Variants in IRAG1 observed in about 807,000 individuals in gnomAD.
IRAG1 encodes IP3R-associated cGMP kinase substrate.
IRAG1 carries 62 observed loss-of-function variants against 106.2 expected under a neutral mutation model. The ratio of observed to expected loss-of-function variants is 0.58; its 90% confidence interval spans 0.48 to 0.72. IRAG1 has a LOEUF of 0.72. Ranked by LOEUF, IRAG1 falls within the 30% of genes least tolerant of loss-of-function variation. IRAG1 has a pLI of 0.00. For missense variants in IRAG1, 1,064 were observed against 1,140.7 expected, an observed-to-expected ratio of 0.93 and a Z score of 0.97; for synonymous variants, 462 against 443.9, an observed-to-expected ratio of 1.04 and a Z score of -0.51.
intron 3 of IRAG1, 70 bp from the exon 4 acceptor site, chr11:10,632,131 G>A (rs1564918673): frequency 1.4e-5 from 14 of 976,576 alleles, no homozygotes; most frequent in Non-Finnish European, 2.1e-5. Flanking sequence ...AAAGATGCCT[G>A]TATATTCTTT....
At chr11:10,652,304 C>A in intron 1 of IRAG1, 122 bp from the exon 2 acceptor site, 1 of 1,509,658 alleles carries the variant, frequency 6.6e-7, no homozygotes, top group South Asian at 1.3e-5. Context: ...CACCGGAGGT[C>A]AAACCAGGCT....
rs1004992709 is a variant in IRAG1 at position 10,629,411 on chromosome 11, T to G, written c.574+127A>C. ...CCCAGGACAGAATCCTGACCTCTGC[T>G]GAGGAGAGCAGGTGAGTCCAAGGCG... is the stretch of plus-strand genomic sequence containing the variant. On this transcript the variant is annotated intron_variant, in intron 5 of 20. Transcript: ENST00000423302. 10 of 953,472 alleles carry G rather than the reference T, an allele frequency of 1.0e-5. No homozygotes were observed. The Admixed American group carries it at 2.6e-4, about 25-fold the overall frequency. 59.1% of individuals were successfully genotyped at this position (953,472 alleles called of 1,614,324 possible).
chr11:10,652,321 G>A, intron 1 of IRAG1, 139 bp from the exon 2 acceptor site: 2 of 1,453,256 alleles, frequency 1.4e-6, no homozygotes, highest in Non-Finnish European at 1.8e-6. Flanking sequence ...GGCTAGGAGA[G>A]GGCATTTGGA....
intron 1 of IRAG1, among the ~76,000 whole-genome samples, chr11:10,681,189 G>A (rs756498082): frequency 1.1e-4 from 17 of 152,150 alleles, no homozygotes; most frequent in Non-Finnish European, 1.3e-4. Context: ...CTCCTGTAGG[G>A]CATACTCATC....
At chr11:10,598,075 T>A (rs1042464768) in intron 15 of IRAG1, among the ~76,000 whole-genome samples, 4 of 152,246 alleles carry the variant, frequency 2.6e-5, no homozygotes, top group Admixed American at 2.6e-4. Flanking sequence ...TTATTATTTT[T>A]CCTTATCCAA....
intron 1 of IRAG1, among the ~76,000 whole-genome samples, chr11:10,674,383 A>G (rs1860483455): frequency 5.3e-5 from 8 of 152,192 alleles, no homozygotes; most frequent in Admixed American, 5.2e-4. Flanking sequence ...GGGTTTTTAC[A>G]AGTATGGGCA....
At position 10,602,512 on chromosome 11, in the gene IRAG1, G is replaced by A. The variant is rs993901200; in HGVS notation, c.1875+608C>T. On this transcript the variant is annotated intron_variant, in intron 14 of 20. Coordinates refer to ENST00000423302, the MANE Select transcript of IRAG1 (RefSeq NM_130385.4). ...CTGCTACAACATGGGGGGCCGGGGCGGGGCTCTGTATGCTTCAGGACTTCA... is the reference window on the plus strand; with the variant it reads ...CTGCTACAACATGGGGGGCCGGGGCAGGGCTCTGTATGCTTCAGGACTTCA... Among the ~76,000 whole-genome samples the A allele has an allele frequency of 7.2e-5, 11 of 152,292 alleles. No homozygotes were observed. In the East Asian group the frequency reaches 1.7e-3, roughly 24 times the overall value.
At position 10,657,247 on chromosome 11, in the gene IRAG1, T is replaced by C. The variant is rs1858993805; in HGVS notation, c.68-5065A>G. Among the ~76,000 whole-genome samples the C allele has an allele frequency of 6.6e-6, 1 of 152,120 alleles. No individual in the cohort carries two copies. The highest frequency in any genetic ancestry group is 2.1e-4 in the South Asian group (1 of 4,822). Reference sequence around the variant, plus strand: ...ATTAAAGTTAGACCCATGTTACAGATGAGGAAACAGAGGCCCAGAGACTTG... The same window carrying C: ...ATTAAAGTTAGACCCATGTTACAGACGAGGAAACAGAGGCCCAGAGACTTG... On this transcript the variant is annotated intron_variant, in intron 1 of 20. Transcript: ENST00000423302. The surrounding 1 kb of genome is among the most constrained non-coding windows in gnomAD (Gnocchi z 4.1).
In IRAG1 at chr11:10,657,625, G is replaced by T. The variant is rs1589930517; in HGVS notation, c.68-5443C>A. The stretch of plus-strand genomic sequence containing the variant: ...AGTATTCTCAGAAGGGAGTTTTTTT[G>T]TTCTTCCAGCTTTGAATTTTTGCTT... On this transcript the variant is annotated intron_variant, in intron 1 of 20. Coordinates refer to ENST00000423302, the MANE Select transcript of IRAG1 (RefSeq NM_130385.4). The surrounding 1 kb of genome is among the most constrained non-coding windows in gnomAD (Gnocchi z 4.1). Among the ~76,000 whole-genome samples the T allele has an allele frequency of 6.6e-6, 1 of 152,100 alleles. No individual in the cohort carries two copies. The highest frequency in any genetic ancestry group is 1.9e-4 in the East Asian group (1 of 5,198).
intron 1 of IRAG1, among the ~76,000 whole-genome samples, chr11:10,675,897 C>T (rs995059109): frequency 2.0e-5 from 3 of 152,240 alleles, no homozygotes; most frequent in Non-Finnish European, 4.4e-5. Context: ...CTCCTACCCA[C>T]TGATCGACCA....
rs10770136 is a variant in IRAG1, at chr11:10,693,577, T to C, written c.26A>G (p.Glu9Gly). Residue 9 changes from glutamate to glycine, a missense_variant, in exon 1 of 21, where the codon GAG becomes GGG. Transcript: ENST00000423302. The stretch of plus-strand genomic sequence containing the variant: ...CTCCTTTCCTCCTCTGGCCAGCCTC[T>C]CTTCACTCTGGGGAGCTTTTACCAT... Reference protein sequence around the residue: MVKAPQSEERLARGGKENN... With the variant: MVKAPQSEGRLARGGKENN... 1,111,551 of 1,534,744 alleles carry C rather than the reference T, an allele frequency of 0.72. 403,652 individuals are homozygous for C. Among genetic ancestry groups the C allele is most frequent in the East Asian group, 0.83 (33,870 of 40,876 alleles).
Position 10,604,688 on chromosome 11 carries a change from C to G in IRAG1, c.1603-143G>C. 3.0e-6 allele frequency: 3 copies of G among 1,005,588 alleles called. No homozygotes were observed. In the South Asian group the frequency reaches 4.7e-5, roughly 16 times the overall value. The allele number at this position is 1,005,588 out of a possible 1,614,324, so 62.3% of individuals were successfully genotyped here. Reference sequence around the variant, plus strand: ...CCAAAGCAGCCATGTGCAAGGGAAACGCTCACTTCACAGGAAACCACAAAA... The same window carrying G: ...CCAAAGCAGCCATGTGCAAGGGAAAGGCTCACTTCACAGGAAACCACAAAA... On this transcript the variant is annotated intron_variant, in intron 12 of 20. Transcript: ENST00000423302.
intron 18 of IRAG1, among the ~76,000 whole-genome samples, chr11:10,591,153 A>G (rs1156905138): frequency 2.0e-5 from 3 of 152,180 alleles, no homozygotes; most frequent in East Asian, 3.9e-4. Context: ...TTAACATACA[A>G]TGTGGCCAGA....
At position 10,623,875 on chromosome 11, in the gene IRAG1, A is replaced by C; in HGVS notation, c.1369-19T>G. The C allele has an allele frequency of 1.2e-6, 2 of 1,608,054 alleles. No homozygotes were observed. The highest frequency in any genetic ancestry group is 4.5e-5 in the East Asian group (2 of 44,870). On this transcript the variant is annotated intron_variant, in intron 9 of 20. Transcript: ENST00000423302. ...TGTGCTCCTTTGTGGTAAAAGAAAG[A>C]GATAACAATTTCAGATGATGACACT...
At chr11:10,638,673 A>AT (rs1269472440) in intron 2 of IRAG1, among the ~76,000 whole-genome samples, 1 of 152,100 alleles carries the variant, frequency 6.6e-6, no homozygotes, top group Admixed American at 6.5e-5. Context: ...CTAAAATATC[A>AT]TTTTTTACAT....
In IRAG1 at chr11:10,659,327, A is replaced by C. The variant is rs1480287369; in HGVS notation, c.68-7145T>G. ...GTGGAAGCCCCAGGATTCTCTCCTGAAAGTGGATCTAGATTGAAGGGAATT... is the reference window on the plus strand; with the variant it reads ...GTGGAAGCCCCAGGATTCTCTCCTGCAAGTGGATCTAGATTGAAGGGAATT... On this transcript the variant is annotated intron_variant, in intron 1 of 20. Transcript: ENST00000423302. The surrounding 1 kb of genome is among the most constrained non-coding windows in gnomAD (Gnocchi z 4.1). 6.6e-6 allele frequency among the ~76,000 whole-genome samples: 1 copy of C among 152,180 alleles called. No individual in the cohort carries two copies. Among genetic ancestry groups the C allele is most frequent in the Non-Finnish European group, 1.5e-5 (1 of 68,022 alleles).
At chr11:10,652,818 T>G (rs192319815) in intron 1 of IRAG1, among the ~76,000 whole-genome samples, 2 of 152,254 alleles carry the variant, frequency 1.3e-5, no homozygotes, top group East Asian at 3.9e-4. Flanking sequence ...CCTCATGCTC[T>G]TCTGACCCTC....
At chr11:10,623,700 T>A in intron 10 of IRAG1, 78 bp downstream of exon 10, 1 of 1,339,340 alleles carries the variant, frequency 7.5e-7, no homozygotes, top group African/African-American at 1.4e-5. Flanking sequence ...AAGTCTTGTG[T>A]TTACACATTC....
intron 10 of IRAG1, among the ~76,000 whole-genome samples, chr11:10,622,279 C>G (rs751035532): frequency 2.6e-5 from 4 of 151,974 alleles, no homozygotes; most frequent in Non-Finnish European, 4.4e-5. Context: ...GGGAGATAGC[C>G]CAGCAGGAGG....
Sources: gnomAD v4.1 joint callset for allele counts (sites outside exome capture counted in the v4.1 genomes callset) on GRCh38, gnomAD v4.1.1 for gene constraint, Gnocchi (gnomAD v3.1) non-coding constraint, MANE v1.5 for transcripts, NCBI Gene and HGNC (gene_info 2026-07-23, HGNC 2026-07-21) for gene names.